LAMA3: variants seen among roughly 807,000 people sequenced by gnomAD.
LAMA3 encodes laminin subunit alpha 3.
Under a neutral mutation model 402.0 loss-of-function variants are expected in LAMA3, and 281 were observed. That is an observed-to-expected ratio of 0.70 (90% CI 0.63 to 0.77). The LOEUF is 0.77. LAMA3 is among the 30% of genes least tolerant of loss of function. The pLI is 0.00. For synonymous variants in LAMA3, 1,431 were observed against 1,558.4 expected (o/e 0.92, Z 1.93); for missense variants, 3,840 against 4,215.5 (o/e 0.91, Z 2.47).
chr18:23,868,288 C>G (rs2064415915), intron 37 of LAMA3, among the ~76,000 whole-genome samples: 1 of 152,160 alleles, frequency 6.6e-6, no homozygotes, highest in African/African-American at 2.4e-5. Context: ...TGTATAGATT[C>G]AAAACATGAA....
intron 47 of LAMA3, among the ~76,000 whole-genome samples, chr18:23,900,748 G>A (rs1228778301): frequency 7.2e-5 from 11 of 152,082 alleles, no homozygotes; most frequent in Non-Finnish European, 1.5e-4. Context: ...TTTAATATGA[G>A]TCTTGGCTTT....
At chr18:23,845,201 G>C (rs2063787402) in intron 30 of LAMA3, 77 bp downstream of exon 30, 1 of 859,708 alleles carries the variant, frequency 1.2e-6, no homozygotes, top group Non-Finnish European at 2.0e-6. Flanking sequence ...GCCCAGGGAG[G>C]GGCTGGCCCA....
chr18:23,912,834 A>G lies in LAMA3; in HGVS notation c.7282A>G (p.Asn2428Asp). The change falls in exon 56 of 75, where the codon AAT becomes GAT. Residue 2428 changes from asparagine to aspartate, a missense_variant. Physicochemically the swap from Asn to Asp is conservative, Grantham distance 23. Around this residue, in one of 3 missense-constraint regions of LAMA3, gnomAD observed 891 missense variants for 857.5 expected, o/e 1.04. Transcript: ENST00000313654. ...TCTCCAAAGGCCCAACTCAAGAGAAAATGGGGGTACTGAGAATATGTTTGT... is the reference window on the plus strand; with the variant it reads ...TCTCCAAAGGCCCAACTCAAGAGAAGATGGGGGTACTGAGAATATGTTTGT... ...LFLQRPNSRE[N>D]GGTENMFVMY... is the part of the protein sequence containing the mutation. 1 of 1,614,092 alleles carries G rather than the reference A, an allele frequency of 6.2e-7. No individual in the cohort carries two copies. Among genetic ancestry groups the G allele is most frequent in the Non-Finnish European group, 8.5e-7 (1 of 1,179,894 alleles).
At chr18:23,915,220 GATTA>G in intron 58 of LAMA3, 65 bp from the exon 59 acceptor site, 1 of 1,527,842 alleles carries the variant, frequency 6.5e-7, no homozygotes, top group South Asian at 1.1e-5. Flanking sequence ...TGTTAAAAGT[GATTA>G]ATTGATACTA....
At chr18:23,901,835 T>C (rs1034632177) in intron 48 of LAMA3, among the ~76,000 whole-genome samples, 9 of 152,126 alleles carry the variant, frequency 5.9e-5, no homozygotes, top group Non-Finnish European at 1.0e-4. Flanking sequence ...TATATACATA[T>C]ATTTGGCGCC....
At chr18:23,751,156 C>T in intron 5 of LAMA3, 68 bp downstream of exon 5, 2 of 1,492,096 alleles carry the variant, frequency 1.3e-6, no homozygotes, top group Non-Finnish European at 9.3e-7. Context: ...AATTAATTGC[C>T]TTGAACTCTT....
At chr18:23,942,274 C>T (rs1315816255) in intron 68 of LAMA3, among the ~76,000 whole-genome samples, 1 of 152,164 alleles carries the variant, frequency 6.6e-6, no homozygotes, top group African/African-American at 2.4e-5. Context: ...CTGCTTAAGA[C>T]GTTAGCCACA....
intron 7 of LAMA3, among the ~76,000 whole-genome samples, chr18:23,763,015 C>T (rs1338423659): frequency 6.6e-6 from 1 of 152,052 alleles, no homozygotes; most frequent in African/African-American, 2.4e-5. Flanking sequence ...TGCCACCACG[C>T]CTGGCTAATT....
chr18:23,884,731 G>A (rs2065013255), intron 40 of LAMA3, 42 bp from the exon 41 acceptor site: 7 of 1,496,332 alleles, frequency 4.7e-6, no homozygotes, highest in East Asian at 2.3e-5. Context: ...AAATCCTATC[G>A]ATCTGTGTTT....
intron 1 of LAMA3, among the ~76,000 whole-genome samples, chr18:23,707,514 G>A (rs775293918): frequency 1.6e-4 from 24 of 152,298 alleles, no homozygotes; most frequent in Non-Finnish European, 1.6e-4. Flanking sequence ...TGGGTGAAAT[G>A]GCAGGCACAG....
Position 23,943,817 on chromosome 18 carries a change from C to T in LAMA3, c.9056C>T (p.Thr3019Ile). ...RSQFAVDMQT[T>I]SSRGLVFHTG... ...CAGTTTGCTGTGGACATGCAGACAA[C>T]ATCCTCCAGAGGACTGGTGTTTCAC... The change falls in exon 69 of 75, where the codon ACA (threonine) becomes ATA (isoleucine). Residue 3019 changes from threonine to isoleucine, a missense_variant. Thr to Ile is a moderately conservative substitution (Grantham distance 89). Transcript: ENST00000313654. 1 of 1,614,006 alleles carries T rather than the reference C, an allele frequency of 6.2e-7. No homozygotes were observed. Among genetic ancestry groups the T allele is most frequent in the Non-Finnish European group, 8.5e-7 (1 of 1,179,872 alleles).
chr18:23,749,446 T>C lies in LAMA3; in HGVS notation c.584T>C (p.Leu195Ser), dbSNP rs1555683785. The change falls in exon 4 of 75, where the codon TTA (leucine) becomes TCA (serine). Residue 195 changes from leucine (L) to serine (S), a missense_variant. Leu to Ser is a moderately radical substitution (Grantham distance 145). Transcript: ENST00000313654. ...CTTCTAGATTCTAAAGTAGACTGTT[T>C]AAAAGAATTTGGGCGGGAGGCAAAT... ...QYFAHSKVDC[L>S]KEFGREANMA... 2 of 1,598,496 alleles carry C rather than the reference T, an allele frequency of 1.3e-6. No homozygotes were observed. The highest frequency in any genetic ancestry group is 1.7e-5 in the Admixed American group (1 of 59,960).
chr18:23,914,810 G>A lies in LAMA3; in HGVS notation c.7594G>A (p.Asp2532Asn), dbSNP rs2081558291. 1 of 1,613,464 alleles carries A rather than the reference G, an allele frequency of 6.2e-7. No individual in the cohort carries two copies. Among genetic ancestry groups the A allele is most frequent in the Non-Finnish European group, 8.5e-7 (1 of 1,179,482 alleles). The change falls in exon 58 of 75, where the codon GAT becomes AAT. Residue 2532 changes from aspartate (D) to asparagine (N), a missense_variant. Asp to Asn is a conservative substitution (Grantham distance 23, BLOSUM62 1). This residue lies in a region of LAMA3 where 840 missense variants were observed against 981.9 expected (regional missense o/e 0.86). Transcript: ENST00000313654. ...GRNSNTLLNL[D>N]PENVVFYVGG... ...AAATAGCAATACACTCCTTAATTTGGATCCTGAAAATGTTGTATTTTATGT... is the reference window on the plus strand; with the variant it reads ...AAATAGCAATACACTCCTTAATTTGAATCCTGAAAATGTTGTATTTTATGT...
intron 1 of LAMA3, among the ~76,000 whole-genome samples, chr18:23,704,213 T>TC (rs2060843863): frequency 6.6e-6 from 1 of 152,226 alleles, no homozygotes; most frequent in Non-Finnish European, 1.5e-5. Flanking sequence ...CAGATTTCTC[T>TC]CCCCAGCTGG....
intron 42 of LAMA3, among the ~76,000 whole-genome samples, chr18:23,890,347 C>A (rs1258491218): frequency 2.0e-5 from 3 of 152,080 alleles, no homozygotes; most frequent in African/African-American, 7.2e-5. Context: ...TGTTTCAATG[C>A]ACTTTTTTTT....
intron 6 of LAMA3, among the ~76,000 whole-genome samples, chr18:23,755,491 G>A (rs901677515): frequency 6.6e-6 from 1 of 152,210 alleles, no homozygotes; most frequent in Non-Finnish European, 1.5e-5. Context: ...TCCATGATGA[G>A]GTAGAAATCT....
At position 23,921,518 on chromosome 18, in the gene LAMA3, A is replaced by G. The variant is rs1176380506; in HGVS notation, c.8110A>G (p.Ile2704Val). Reference sequence around the variant, plus strand: ...AAATGTGGACGTTCAAAACACTATAATTGATGGTGAAGTATTTGATTTCAG... The same window carrying G: ...AAATGTGGACGTTCAAAACACTATAGTTGATGGTGAAGTATTTGATTTCAG... ...WINVDVQNTI[I>V]DGEVFDFSTY... is the part of the protein sequence containing the mutation. Residue 2704 changes from isoleucine (I) to valine (V), a missense_variant, in exon 62 of 75, where the codon ATT becomes GTT. Ile to Val is a conservative substitution (Grantham distance 29, BLOSUM62 3). Transcript: ENST00000313654. 6.2e-7 allele frequency: 1 copy of G among 1,613,466 alleles called. No individual in the cohort carries two copies. The highest frequency in any genetic ancestry group is 1.3e-5 in the African/African-American group (1 of 74,914).
intron 23 of LAMA3, among the ~76,000 whole-genome samples, chr18:23,830,789 C>T (rs1166232457): frequency 6.6e-6 from 1 of 152,096 alleles, no homozygotes; most frequent in East Asian, 1.9e-4. Context: ...GGAGTCTGAT[C>T]CATGGCAATT....
chr18:23,915,254 T>TTCAA (rs1346963808), intron 58 of LAMA3, 35 bp from the exon 59 acceptor site: 1 of 1,609,164 alleles, frequency 6.2e-7, no homozygotes, highest in East Asian at 2.2e-5. Flanking sequence ...TTGTCCTTTG[T>TTCAA]TCAATTGGTG....
Sources: gnomAD v4.1 joint callset for allele counts (sites outside exome capture counted in the v4.1 genomes callset) on GRCh38, gnomAD v4.1.1 for gene constraint, gnomAD v4.1.1 regional missense constraint, MANE v1.5 for transcripts, NCBI Gene and HGNC (gene_info 2026-07-23, HGNC 2026-07-21) for gene names.